Variants in SMARCAD1 observed in about 807,000 individuals in gnomAD.
SMARCAD1 encodes SNF2 related chromatin remodeling ATPase with DExD box 1, also known as SWI/SNF-related matrix-associated actin-dependent regulator of chromatin subfamily A containing DEAD/H box 1.
In SMARCAD1, 25 loss-of-function variants were observed where a neutral mutation model predicts 127.1. The observed-to-expected ratio is 0.20, with a 90% CI of 0.14 to 0.27. The LOEUF is 0.27. Among genes scored for constraint, SMARCAD1 ranks in the 10% least tolerant of loss-of-function variants. SMARCAD1 has a pLI of 1.00. For missense variants in SMARCAD1, 807 were observed against 1,206.0 expected, an observed-to-expected ratio of 0.67 and a Z score of 4.90; for synonymous variants, 400 against 396.9, an observed-to-expected ratio of 1.01 and a Z score of -0.09.
intron 9 of SMARCAD1, chr4:94,253,654 G>C: frequency 3.9e-6 from 4 of 1,027,918 alleles, no homozygotes; most frequent in Non-Finnish European, 4.7e-6. Flanking sequence ...GTTAGGTGAA[G>C]GGAAGGCATA....
Position 94,279,050 on chromosome 4 carries a change from G to A in SMARCAD1, c.2418G>A (p.Lys806=). The part of the protein sequence containing the change: ...KLKEMSQLML[K]EPTHCEANPD... ...AGGAAATGTCTCAGCTTATGCTAAA[G>A]GTAAGGATTTCATATTATGTTAACA... The change falls in exon 19 of 24, where the codon AAG becomes AAA. Residue 806 remains lysine (K), a splice_region_variant and synonymous_variant. Transcript: ENST00000354268. 1 of 1,614,076 alleles carries A rather than the reference G, an allele frequency of 6.2e-7. No individual in the cohort carries two copies. The highest frequency in any genetic ancestry group is 8.5e-7 in the Non-Finnish European group (1 of 1,179,996).
intron 23 of SMARCAD1, among the ~76,000 whole-genome samples, chr4:94,285,838 G>T (rs1396124357): frequency 6.6e-6 from 1 of 152,198 alleles, no homozygotes; most frequent in African/African-American, 2.4e-5. Context: ...TAAACAATTA[G>T]CAGTCATTAC....
chr4:94,281,413 A>G (rs1395149237), intron 20 of SMARCAD1, 59 bp from the exon 21 acceptor site: 1 of 1,152,310 alleles, frequency 8.7e-7, no homozygotes, highest in Non-Finnish European at 1.3e-6. Flanking sequence ...TAAACCTGTC[A>G]AGGCTTTGAG....
intron 9 of SMARCAD1, chr4:94,253,242 A>G: frequency 6.7e-7 from 1 of 1,494,672 alleles, no homozygotes; most frequent in South Asian, 1.2e-5. Context: ...TTGGCTGGGA[A>G]TACTGTCACT....
chr4:94,236,738 C>G (rs1252872097), intron 4 of SMARCAD1, among the ~76,000 whole-genome samples: 1 of 152,078 alleles, frequency 6.6e-6, no homozygotes, highest in East Asian at 1.9e-4. Context: ...AAGAATGAGT[C>G]AACCTGATAC....
intron 10 of SMARCAD1, among the ~76,000 whole-genome samples, chr4:94,267,218 A>G (rs1432162004): frequency 1.3e-5 from 2 of 152,090 alleles, no homozygotes; most frequent in Non-Finnish European, 2.9e-5. Context: ...CTTACACAGG[A>G]GCTCTGAGAC....
chr4:94,224,064 A>T (rs1177292189), intron 2 of SMARCAD1, among the ~76,000 whole-genome samples: 1 of 152,144 alleles, frequency 6.6e-6, no homozygotes, highest in Non-Finnish European at 1.5e-5. Context: ...CTCTATACTT[A>T]CTATATAGGA....
rs575810678 is a variant in SMARCAD1 at position 94,240,495 on chromosome 4, G to T, written c.605-411G>T. Among the ~76,000 whole-genome samples the T allele has an allele frequency of 5.1e-4, 78 of 152,244 alleles. No homozygotes were observed. In the South Asian group the frequency reaches 7.7e-3, roughly 15 times the overall value. ...TAGTTTATAAAAGACCTTGTGCAAG[G>T]CCTGGTACATAGTAGACTCAGAAAT... On this transcript the variant is annotated intron_variant, in intron 5 of 23. Coordinates refer to ENST00000354268, the MANE Select transcript of SMARCAD1 (RefSeq NM_020159.5).
chr4:94,249,291 A>G (rs986617851), intron 6 of SMARCAD1, among the ~76,000 whole-genome samples: 4 of 152,080 alleles, frequency 2.6e-5, no homozygotes, highest in African/African-American at 9.6e-5. Flanking sequence ...CATAGATGAG[A>G]TATTTGTATC....
chr4:94,266,139 A>G (rs1038406666), intron 10 of SMARCAD1, among the ~76,000 whole-genome samples: 5 of 152,202 alleles, frequency 3.3e-5, no homozygotes, highest in Admixed American at 3.3e-4. Context: ...AGAAAGAACT[A>G]TATCAGCAAA....
intron 23 of SMARCAD1, among the ~76,000 whole-genome samples, chr4:94,285,475 C>A (rs761520194): frequency 4.6e-5 from 7 of 152,022 alleles, no homozygotes; most frequent in Non-Finnish European, 1.0e-4. Flanking sequence ...TGTCAACTTA[C>A]GATACACTCT....
chr4:94,266,752 A>G (rs558165914), intron 10 of SMARCAD1, among the ~76,000 whole-genome samples: 1 of 152,126 alleles, frequency 6.6e-6, no homozygotes, highest in Non-Finnish European at 1.5e-5. Flanking sequence ...AAACAGAACA[A>G]GTTCTTCATG....
rs199959460 is a variant in SMARCAD1 at position 94,280,828 on chromosome 4, A to G, written c.2607+48A>G. ...CTTTTGTATTTTCTCAATTACTTTA[A>G]CTTCTTAAAGCAATTCTGGCACACT... is the stretch of plus-strand genomic sequence containing the variant. On this transcript the variant is annotated intron_variant, in intron 20 of 23. Transcript: ENST00000354268. 1.3e-4 allele frequency: 199 copies of G among 1,576,592 alleles called. 1 individual carries two copies. The East Asian group carries it at 4.0e-3, about 32-fold the overall frequency.
intron 22 of SMARCAD1, among the ~76,000 whole-genome samples, chr4:94,284,576 G>GT (rs1553922093): frequency 0.032 from 4,376 of 135,100 alleles, 189 homozygotes; most frequent in African/African-American, 0.099. Flanking sequence ...TTTGGTTTTT[G>GT]TTTTTTTTTT....
At chr4:94,216,408 A>G (rs1355280467) in intron 2 of SMARCAD1, among the ~76,000 whole-genome samples, 1 of 152,118 alleles carries the variant, frequency 6.6e-6, no homozygotes, top group African/African-American at 2.4e-5. Flanking sequence ...CACACTATAA[A>G]TATACTCATT....
chr4:94,208,119 G>C, intron 1 of SMARCAD1, 49 bp downstream of exon 1: 1 of 570,906 alleles, frequency 1.8e-6, no homozygotes, highest in Non-Finnish European at 3.3e-6. Context: ...GTAAGGAGGG[G>C]CGGGCGGGGG....
chr4:94,229,316 A>G (rs140438812), intron 3 of SMARCAD1, among the ~76,000 whole-genome samples: 4 of 152,178 alleles, frequency 2.6e-5, no homozygotes, highest in African/African-American at 9.6e-5. Context: ...AGAACTTAAC[A>G]CTTGTATTTG....
chr4:94,287,290 A>G (rs1411194588), intron 23 of SMARCAD1, among the ~76,000 whole-genome samples: 2 of 152,064 alleles, frequency 1.3e-5, no homozygotes, highest in Non-Finnish European at 2.9e-5. Context: ...CATTTAGGTA[A>G]TTTTGACACT....
In SMARCAD1 at chr4:94,208,011, G is replaced by T; in HGVS notation, c.-109G>T. 2.5e-6 allele frequency: 1 copy of T among 404,236 alleles called. No homozygotes were observed. The highest frequency in any genetic ancestry group is 4.9e-6 in the Non-Finnish European group (1 of 205,048). 25.0% of individuals were successfully genotyped at this position (404,236 alleles called of 1,614,324 possible). A position where few individuals can be genotyped will look rare whatever the true frequency, so the allele number is the denominator to read the frequency against. ...ACGGTAGCACAGGGAGCTTCTCTTTGTGGGCGGGCGCGAGGCCCGCTAGGG... is the reference window on the plus strand; with the variant it reads ...ACGGTAGCACAGGGAGCTTCTCTTTTTGGGCGGGCGCGAGGCCCGCTAGGG... On this transcript the variant is annotated 5_prime_UTR_variant, in exon 1 of 24. Coordinates refer to ENST00000354268, the MANE Select transcript of SMARCAD1 (RefSeq NM_020159.5).
Sources: allele counts gnomAD v4.1 joint callset (sites outside exome capture counted in the v4.1 genomes callset), GRCh38; gene constraint gnomAD v4.1.1; transcripts MANE v1.5; gene names NCBI Gene and HGNC (gene_info 2026-07-23, HGNC 2026-07-21).